The following HS6ST3 variants were observed in gnomAD, a reference collection of about 807,000 sequenced individuals.
HS6ST3 encodes the protein heparan-sulfate 6-O-sulfotransferase 3.
In HS6ST3, 12 loss-of-function variants were observed where a neutral mutation model predicts 36.7. The ratio of observed to expected loss-of-function variants is 0.33; its 90% CI spans 0.21 to 0.53. The LOEUF is 0.53. Among genes scored for constraint, HS6ST3 ranks in the 20% least tolerant of loss-of-function variants. HS6ST3 has a pLI of 0.95. For synonymous variants in HS6ST3, 240 were observed against 257.5 expected (o/e 0.93, Z 0.65); for missense variants, 584 against 640.9 (o/e 0.91, Z 0.96).
At chr13:96,481,066 G>C (rs548573920) in intron 1 of HS6ST3, among the ~76,000 whole-genome samples, 1 of 152,074 alleles carries the variant, frequency 6.6e-6, no homozygotes, top group East Asian at 1.9e-4. Flanking sequence ...CTGGGATTTG[G>C]GGTTTTGATA....
At chr13:96,411,144 A>G (rs948933040) in intron 1 of HS6ST3, among the ~76,000 whole-genome samples, 3 of 152,224 alleles carry the variant, frequency 2.0e-5, no homozygotes, top group African/African-American at 7.2e-5. Flanking sequence ...GATCAATTTT[A>G]GGATTTAATG....
chr13:96,747,348 T>C (rs965888818), intron 1 of HS6ST3, among the ~76,000 whole-genome samples: 4 of 152,168 alleles, frequency 2.6e-5, no homozygotes, highest in African/African-American at 9.6e-5. Flanking sequence ...TGGAATGATA[T>C]GGTTTTCCTT....
intron 1 of HS6ST3, among the ~76,000 whole-genome samples, chr13:96,305,315 A>T (rs900925032): frequency 6.6e-6 from 1 of 152,202 alleles, no homozygotes; most frequent in Non-Finnish European, 1.5e-5. Context: ...ATGTTACCAT[A>T]CTTCATGAAT....
intron 1 of HS6ST3, among the ~76,000 whole-genome samples, chr13:96,171,936 A>G (rs922537101): frequency 3.3e-5 from 5 of 152,150 alleles, no homozygotes; most frequent in African/African-American, 9.6e-5. Flanking sequence ...ACATAGATTG[A>G]AAGAAAAAAT....
chr13:96,575,199 G>T (rs1172647210), intron 1 of HS6ST3, among the ~76,000 whole-genome samples: 2 of 152,142 alleles, frequency 1.3e-5, no homozygotes, highest in Non-Finnish European at 2.9e-5. Flanking sequence ...CACTCTTCCT[G>T]CACCGAGCCT....
intron 1 of HS6ST3, among the ~76,000 whole-genome samples, chr13:96,685,091 G>T (rs1226912266): frequency 6.6e-6 from 1 of 152,060 alleles, no homozygotes; most frequent in Non-Finnish European, 1.5e-5. Context: ...GTTTGGCAGG[G>T]CCTGGTTCTC....
chr13:96,738,409 A>G (rs1351859512), intron 1 of HS6ST3, among the ~76,000 whole-genome samples: 1 of 152,180 alleles, frequency 6.6e-6, no homozygotes, highest in East Asian at 1.9e-4. Context: ...GATAAAATGG[A>G]ATATACTGCC....
At chr13:96,172,812 C>A (rs578011938) in intron 1 of HS6ST3, among the ~76,000 whole-genome samples, 18 of 152,178 alleles carry the variant, frequency 1.2e-4, no homozygotes, top group African/African-American at 4.3e-4. Flanking sequence ...TAATATTGAG[C>A]AAATAGTGAA....
At chr13:96,358,236 C>G (rs575080599) in intron 1 of HS6ST3, among the ~76,000 whole-genome samples, 8 of 152,222 alleles carry the variant, frequency 5.3e-5, no homozygotes, top group Non-Finnish European at 7.4e-5. Context: ...ATTGATCAGA[C>G]AAGGATCATC....
chr13:96,358,912 CTAT>C (rs2055223482), intron 1 of HS6ST3, among the ~76,000 whole-genome samples: 1 of 150,404 alleles, frequency 6.6e-6, no homozygotes, highest in East Asian at 2.0e-4. Flanking sequence ...ATCTATCTAT[CTAT>C]CTAGAGAGAG....
In HS6ST3 at chr13:96,823,843, C is replaced by G. The variant is rs141336808; in HGVS notation, c.708-8647C>G. The stretch of plus-strand genomic sequence containing the variant: ...CCATGTTGGCCAGACTGGTTTTGAA[C>G]TGACCTCAAGTGATCCTCCTGCCTC... On this transcript the variant is annotated intron_variant, in intron 1 of 1. Coordinates refer to ENST00000376705, the MANE Select transcript of HS6ST3 (RefSeq NM_153456.4). Among the ~76,000 whole-genome samples, 1,152 of 152,222 alleles carry G rather than the reference C, an allele frequency of 7.6e-3. 10 individuals carry two copies. The highest frequency in any genetic ancestry group is 0.025 in the African/African-American group (1,048 of 41,534).
chr13:96,207,259 G>A (rs1449223362), intron 1 of HS6ST3, among the ~76,000 whole-genome samples: 7 of 152,050 alleles, frequency 4.6e-5, no homozygotes, highest in African/African-American at 7.2e-5. Flanking sequence ...GTGAGATACC[G>A]TATCATGCCA....
At chr13:96,340,002 A>G (rs1350745609) in intron 1 of HS6ST3, among the ~76,000 whole-genome samples, 1 of 152,240 alleles carries the variant, frequency 6.6e-6, no homozygotes, top group African/African-American at 2.4e-5. Context: ...CAGTTGCGTA[A>G]GGTGAACCAA....
At chr13:96,313,542 A>C (rs1330120331) in intron 1 of HS6ST3, among the ~76,000 whole-genome samples, 1 of 152,066 alleles carries the variant, frequency 6.6e-6, no homozygotes, top group East Asian at 1.9e-4. Context: ...TAGGTCATGC[A>C]GTTCTTTTCC....
At chr13:96,765,060 CTTTTTTTTTT>C (rs11423735) in intron 1 of HS6ST3, among the ~76,000 whole-genome samples, 1 of 93,910 alleles carries the variant, frequency 1.1e-5, no homozygotes, top group South Asian at 4.1e-4. Flanking sequence ...TTGTTTCTTT[CTTTTTTTTTT>C]TTTTTTTTTT....
chr13:96,633,282 T>G (rs1158165485), intron 1 of HS6ST3, among the ~76,000 whole-genome samples: 1 of 152,148 alleles, frequency 6.6e-6, no homozygotes, highest in Non-Finnish European at 1.5e-5. Flanking sequence ...AGAAACAAAA[T>G]AAGTCTCAGC....
rs1160859890 is a variant in HS6ST3 at position 96,835,132 on chromosome 13, G to A, written c.*1934G>A. On this transcript the variant is annotated 3_prime_UTR_variant, in exon 2 of 2. Coordinates refer to ENST00000376705, the MANE Select transcript of HS6ST3 (RefSeq NM_153456.4). ...TTTACTCCGTCACCATATCCATATGGAATAAGGGCTCGTCCTACCTAAAGC... is the reference window on the plus strand; with the variant it reads ...TTTACTCCGTCACCATATCCATATGAAATAAGGGCTCGTCCTACCTAAAGC... 2.0e-5 allele frequency: 3 copies of A among 152,112 alleles called. No homozygotes were observed. The highest frequency in any genetic ancestry group is 7.2e-5 in the African/African-American group (3 of 41,406). The allele number at this position is 152,112 out of a possible 1,614,324, so 9.4% of individuals were successfully genotyped here.
chr13:96,688,694 T>A (rs946866411), intron 1 of HS6ST3, among the ~76,000 whole-genome samples: 1 of 152,102 alleles, frequency 6.6e-6, no homozygotes. Flanking sequence ...TCCTTTAAGG[T>A]GACCTATTTA....
chr13:96,267,201 G>C (rs2054696765), intron 1 of HS6ST3, among the ~76,000 whole-genome samples: 1 of 152,120 alleles, frequency 6.6e-6, no homozygotes, highest in Admixed American at 6.6e-5. Context: ...ATGATTTTGA[G>C]GCCTCCCCAG....
Sources: allele counts gnomAD v4.1 joint callset (sites outside exome capture counted in the v4.1 genomes callset), GRCh38; gene constraint gnomAD v4.1.1; transcripts MANE v1.5; gene names NCBI Gene and HGNC (gene_info 2026-07-23, HGNC 2026-07-21).